HSD17B2: variants seen among roughly 807,000 people sequenced by gnomAD.
The protein encoded by HSD17B2 is hydroxysteroid 17-beta dehydrogenase 2.
Under a neutral mutation model 26.9 loss-of-function variants are expected in HSD17B2, and 32 were observed. The observed-to-expected ratio is 1.19, with a 90% confidence interval of 0.90 to 1.60. The LOEUF is 1.60. Among genes scored for constraint, HSD17B2 ranks in the 40% most tolerant of loss-of-function variants. The pLI is 0.00. For missense variants in HSD17B2, 613 were observed against 468.6 expected (o/e 1.31, Z -2.85); for synonymous variants, 246 against 186.7 (o/e 1.32, Z -2.59).
Position 82,062,674 on chromosome 16 carries a change from A to G in HSD17B2, c.266-5496A>G, listed in dbSNP as rs115707021. Among the ~76,000 whole-genome samples, 277 of 152,326 alleles carry G rather than the reference A, an allele frequency of 1.8e-3. 2 individuals are homozygous for G. The highest frequency in any genetic ancestry group is 6.5e-3 in the African/African-American group (269 of 41,560). ...TTACTTACCCCCCAGGGTGATTGAG[A>G]GGATTCAGTGAGTAAATGCATGTGA... On this transcript the variant is annotated intron_variant, in intron 1 of 4. Transcript: ENST00000199936.
intron 3 of HSD17B2, among the ~76,000 whole-genome samples, chr16:82,079,815 G>A (rs1305165853): frequency 6.6e-6 from 1 of 152,172 alleles, no homozygotes; most frequent in Non-Finnish European, 1.5e-5. Flanking sequence ...CAAATCCACA[G>A]AAATTAACAT....
At chr16:82,070,027 T>G (rs1914661505) in intron 2 of HSD17B2, among the ~76,000 whole-genome samples, 1 of 152,174 alleles carries the variant, frequency 6.6e-6, no homozygotes. Flanking sequence ...AACTCCCAAA[T>G]CTATTACTAT....
At chr16:82,037,153 G>C (rs1913646143) in intron 1 of HSD17B2, among the ~76,000 whole-genome samples, 1 of 152,224 alleles carries the variant, frequency 6.6e-6, no homozygotes, top group Non-Finnish European at 1.5e-5. Flanking sequence ...GGCAACTCAA[G>C]CTCAAGGACT....
intron 2 of HSD17B2, among the ~76,000 whole-genome samples, chr16:82,070,521 C>T (rs932185964): frequency 3.3e-5 from 5 of 152,238 alleles, no homozygotes; most frequent in African/African-American, 4.8e-5. Context: ...AGAGCCTCCA[C>T]GTGTTGGGGT....
intron 3 of HSD17B2, among the ~76,000 whole-genome samples, chr16:82,073,287 C>G (rs1042432289): frequency 4.0e-5 from 6 of 151,596 alleles, no homozygotes; most frequent in Non-Finnish European, 7.4e-5. Context: ...TGCAGTGGCG[C>G]GATCTCGGCT....
intron 1 of HSD17B2, among the ~76,000 whole-genome samples, chr16:82,041,133 C>T (rs888242960): frequency 1.3e-5 from 2 of 152,190 alleles, no homozygotes; most frequent in African/African-American, 4.8e-5. Context: ...ATTCTGACTG[C>T]ATGGAAATCC....
At chr16:82,085,955 AAAAAAAACACACAG>A (rs1904516435) in intron 3 of HSD17B2, among the ~76,000 whole-genome samples, 1 of 152,108 alleles carries the variant, frequency 6.6e-6, no homozygotes, top group Non-Finnish European at 1.5e-5. Flanking sequence ...GCTATAATAA[AAAAAAAACACACAG>A]AAAAAACACA....
intron 1 of HSD17B2, among the ~76,000 whole-genome samples, chr16:82,064,930 G>A (rs150934039): frequency 1.8e-3 from 269 of 152,288 alleles, no homozygotes; most frequent in African/African-American, 6.3e-3. Context: ...GACCTCTTTG[G>A]TCAGACAGTA....
At chr16:82,040,081 A>T (rs58960032) in intron 1 of HSD17B2, among the ~76,000 whole-genome samples, 1 of 152,256 alleles carries the variant, frequency 6.6e-6, no homozygotes, top group African/African-American at 2.4e-5. Context: ...TTGCTGCATT[A>T]GATAATTTTT....
At chr16:82,092,745 G>C (rs548848220) in intron 4 of HSD17B2, 2 of 152,390 alleles carry the variant, frequency 1.3e-5, no homozygotes, top group East Asian at 3.9e-4. Context: ...TTGAGGAGAG[G>C]AGATGGAGAA....
rs200537908 is a variant in HSD17B2 at position 82,062,959 on chromosome 16, C to T, written c.266-5211C>T. 1.4e-4 allele frequency: 22 copies of T among 152,392 alleles called. 1 individual carries two copies. In the East Asian group the frequency reaches 4.0e-3, roughly 28 times the overall value. 9.4% of individuals were successfully genotyped at this position (152,392 alleles called of 1,614,324 possible). A position where few individuals can be genotyped will look rare whatever the true frequency, so the allele number is the denominator to read the frequency against. On this transcript the variant is annotated intron_variant, in intron 1 of 4. Transcript: ENST00000199936. ...CCTAGCACAGCCTGATCTCTAACAT[C>T]ATAAGTCAGAAATGACGTCACGGTT... is the stretch of plus-strand genomic sequence containing the variant.
chr16:82,088,199 C>G (rs1904583475), intron 3 of HSD17B2, among the ~76,000 whole-genome samples: 1 of 152,136 alleles, frequency 6.6e-6, no homozygotes, highest in South Asian at 2.1e-4. Flanking sequence ...TAAACAACGG[C>G]TGCTGGAGAT....
chr16:82,047,991 C>T (rs374506729), intron 1 of HSD17B2, among the ~76,000 whole-genome samples: 8 of 152,052 alleles, frequency 5.3e-5, no homozygotes, highest in South Asian at 2.1e-4. Context: ...GCTGACTTTG[C>T]GAAAAATATT....
chr16:82,057,555 C>CT (rs1227801432), intron 1 of HSD17B2, among the ~76,000 whole-genome samples: 3 of 152,138 alleles, frequency 2.0e-5, no homozygotes, highest in Non-Finnish European at 4.4e-5. Flanking sequence ...AAGCGTACAG[C>CT]TTGGGAAGGG....
chr16:82,093,669 G>C (rs1904756031), intron 4 of HSD17B2: 1 of 152,190 alleles, frequency 6.6e-6, no homozygotes, highest in South Asian at 2.1e-4. Flanking sequence ...AGGGTTTTTG[G>C]ATCTTGTGTG....
At chr16:82,051,753 A>T (rs1914113710) in intron 1 of HSD17B2, among the ~76,000 whole-genome samples, 1 of 152,228 alleles carries the variant, frequency 6.6e-6, no homozygotes, top group African/African-American at 2.4e-5. Context: ...AGAAAAAAAG[A>T]GCATGGACTT....
chr16:82,061,130 G>T (rs1379788000), intron 1 of HSD17B2, among the ~76,000 whole-genome samples: 1 of 151,904 alleles, frequency 6.6e-6, no homozygotes, highest in African/African-American at 2.4e-5. Context: ...ATGGTGGCAG[G>T]TGCATGTAAT....
At chr16:82,073,484 A>G (rs1004614031) in intron 3 of HSD17B2, among the ~76,000 whole-genome samples, 1 of 152,044 alleles carries the variant, frequency 6.6e-6, no homozygotes, top group African/African-American at 2.4e-5. Flanking sequence ...TCAGCCCCCC[A>G]AAGTTCTGGG....
At chr16:82,050,165 G>T (rs904210128) in intron 1 of HSD17B2, among the ~76,000 whole-genome samples, 2 of 152,186 alleles carry the variant, frequency 1.3e-5, no homozygotes, top group African/African-American at 4.8e-5. Flanking sequence ...CAGTTCCACT[G>T]GATGTCTTGC....
Sources: gnomAD v4.1 joint callset for allele counts (sites outside exome capture counted in the v4.1 genomes callset) on GRCh38, gnomAD v4.1.1 for gene constraint, MANE v1.5 for transcripts, NCBI Gene and HGNC (gene_info 2026-07-23, HGNC 2026-07-21) for gene names.